The following HACE1 variants were observed in gnomAD, a reference collection of about 807,000 sequenced individuals.
The protein encoded by HACE1 is E3 ubiquitin-protein ligase HACE1.
HACE1 carries 73 observed loss-of-function variants against 118.4 expected under a neutral mutation model. That is an observed-to-expected ratio of 0.62 (90% CI 0.51 to 0.75). The LOEUF (loss-of-function observed/expected upper bound fraction) is 0.75, where lower values mean the gene tolerates loss of function less well. Among genes scored for constraint, HACE1 ranks in the 30% least tolerant of loss-of-function variants. The pLI, the probability that HACE1 is intolerant of heterozygous loss-of-function variation, is 0.00. For missense variants in HACE1, 749 were observed against 1,102.2 expected, an observed-to-expected ratio of 0.68 and a Z score of 4.54; for synonymous variants, 368 against 374.8, an observed-to-expected ratio of 0.98 and a Z score of 0.21.
chr6:104,858,517 T>C (rs564828682), intron 1 of HACE1: 7 of 391,062 alleles, frequency 1.8e-5, no homozygotes, highest in African/African-American at 4.3e-5. Context: ...CTGGGGAACA[T>C]AGTGAGACCT....
chr6:104,736,285 T>G (rs1775822246), intron 22 of HACE1, among the ~76,000 whole-genome samples: 2 of 151,706 alleles, frequency 1.3e-5, no homozygotes, highest in Non-Finnish European at 2.9e-5. Context: ...TTATTTTTTA[T>G]TATTATTATT....
chr6:104,790,803 A>T (rs1033961953), intron 11 of HACE1, among the ~76,000 whole-genome samples: 1 of 152,228 alleles, frequency 6.6e-6, no homozygotes, highest in South Asian at 2.1e-4. Context: ...ATTAAATTAC[A>T]CATTTTTCTA....
In HACE1 at chr6:104,730,393, A is replaced by G; in HGVS notation, c.2537T>C (p.Phe846Ser). The G allele has an allele frequency of 6.4e-7, 1 of 1,565,474 alleles. No individual in the cohort carries two copies. The highest frequency in any genetic ancestry group is 8.8e-7 in the Non-Finnish European group (1 of 1,135,474). The change falls in exon 23 of 24, where the codon TTT becomes TCT. Residue 846 changes from phenylalanine to serine, a missense_variant. By Grantham distance (155) the Phe-to-Ser change is radical (BLOSUM62 -2). Transcript: ENST00000262903. Reference protein sequence around the residue: ...TGSSRVPHGGFANIMGGSGLQ... With the variant: ...TGSSRVPHGGSANIMGGSGLQ... ...TCCACTTCCACCCATGATATTAGCA[A>G]ACCCACCATGTGGGACCCTGGAACT... is the stretch of plus-strand genomic sequence containing the variant.
chr6:104,744,254 A>G, intron 21 of HACE1, 24 bp from the exon 22 acceptor site: 1 of 1,450,960 alleles, frequency 6.9e-7, no homozygotes, highest in Non-Finnish European at 9.7e-7. Context: ...CAAAAAACTT[A>G]GCTCATATTT....
chr6:104,854,699 A>G (rs1776553257), intron 1 of HACE1, among the ~76,000 whole-genome samples: 1 of 152,140 alleles, frequency 6.6e-6, no homozygotes, highest in African/African-American at 2.4e-5. Context: ...ATAATACAAT[A>G]TTACTGTTAA....
intron 19 of HACE1, among the ~76,000 whole-genome samples, chr6:104,769,058 A>T (rs1431783605): frequency 2.6e-5 from 4 of 152,188 alleles, no homozygotes; most frequent in Admixed American, 1.3e-4. Flanking sequence ...TTTAAGTGAT[A>T]GGATCTTGCT....
intron 12 of HACE1, among the ~76,000 whole-genome samples, 187 bp from the exon 13 acceptor site, chr6:104,784,672 TCTC>T (rs939122500): frequency 1.3e-5 from 2 of 152,182 alleles, no homozygotes; most frequent in Admixed American, 6.5e-5. Context: ...GATTCTAACT[TCTC>T]ATCAGCAGAC....
At chr6:104,852,224 TGTGTGCGCGC>T (rs1220976148) in intron 2 of HACE1, 83 bp downstream of exon 2, 46 of 720,220 alleles carry the variant, frequency 6.4e-5, no homozygotes, top group Non-Finnish European at 1.1e-4. Flanking sequence ...TGTGTGTGTG[TGTGTGCGCGC>T]GTGCGCGTGC....
intron 5 of HACE1, among the ~76,000 whole-genome samples, chr6:104,841,344 T>A (rs1273087664): frequency 6.6e-6 from 1 of 152,190 alleles, no homozygotes; most frequent in African/African-American, 2.4e-5. Flanking sequence ...GAAAACATCT[T>A]ATGCAATTAA....
rs147498409 is a variant in HACE1, at chr6:104,856,494, G to C, written c.76+3073C>G. Among the ~76,000 whole-genome samples, 1,343 of 151,862 alleles carry C rather than the reference G, an allele frequency of 8.8e-3. 22 individuals are homozygous for C. Among genetic ancestry groups the C allele is most frequent in the African/African-American group, 0.031 (1,267 of 41,374 alleles). ...TTGATGTCCAGGCTGGAATGCAGTGGCGCGATCTTGGCTCACTGCAACCTC... is the reference window on the plus strand; with the variant it reads ...TTGATGTCCAGGCTGGAATGCAGTGCCGCGATCTTGGCTCACTGCAACCTC... On this transcript the variant is annotated intron_variant, in intron 1 of 23. Transcript: ENST00000262903.
chr6:104,779,281 C>T (rs1387119650), intron 14 of HACE1, among the ~76,000 whole-genome samples: 2 of 152,140 alleles, frequency 1.3e-5, no homozygotes, highest in Non-Finnish European at 2.9e-5. Flanking sequence ...AGGTTATCTT[C>T]CAGGTGGCTT....
At chr6:104,788,295 T>C (rs56120816) in intron 11 of HACE1, among the ~76,000 whole-genome samples, 3 of 152,106 alleles carry the variant, frequency 2.0e-5, no homozygotes, top group Admixed American at 2.0e-4. Context: ...GTGAAAATAC[T>C]GCTTCATTCA....
chr6:104,832,686 C>A (rs190667499), intron 6 of HACE1, among the ~76,000 whole-genome samples: 1 of 152,038 alleles, frequency 6.6e-6, no homozygotes, highest in Non-Finnish European at 1.5e-5. Context: ...CCACGGCTCC[C>A]AGCCCAAAAG....
intron 6 of HACE1, among the ~76,000 whole-genome samples, chr6:104,827,131 T>A (rs1239118404): frequency 6.6e-6 from 1 of 152,198 alleles, no homozygotes; most frequent in Non-Finnish European, 1.5e-5. Context: ...CAAGACCACC[T>A]GTGCCCAATA....
At chr6:104,769,505 C>T (rs1008059119) in intron 19 of HACE1, among the ~76,000 whole-genome samples, 1 of 152,066 alleles carries the variant, frequency 6.6e-6, no homozygotes, top group African/African-American at 2.4e-5. Flanking sequence ...AATAAACATG[C>T]TACAAGGTGA....
At chr6:104,756,167 C>CT (rs1778610999) in intron 19 of HACE1, among the ~76,000 whole-genome samples, 1 of 151,984 alleles carries the variant, frequency 6.6e-6, no homozygotes, top group African/African-American at 2.4e-5. Context: ...AATCCCAGCA[C>CT]TTTGAGAGGC....
At chr6:104,819,477 T>C (rs1248802842) in intron 6 of HACE1, among the ~76,000 whole-genome samples, 1 of 152,172 alleles carries the variant, frequency 6.6e-6, no homozygotes, top group African/African-American at 2.4e-5. Flanking sequence ...GCAATTTATA[T>C]AGATTCAATG....
At chr6:104,834,987 C>T (rs1774383776) in intron 5 of HACE1, among the ~76,000 whole-genome samples, 1 of 152,206 alleles carries the variant, frequency 6.6e-6, no homozygotes, top group Non-Finnish European at 1.5e-5. Context: ...AAGAATACCA[C>T]ACTAAAAAGG....
At chr6:104,763,494 C>CA (rs1178706659) in intron 19 of HACE1, among the ~76,000 whole-genome samples, 3 of 151,976 alleles carry the variant, frequency 2.0e-5, no homozygotes, top group Non-Finnish European at 4.4e-5. Flanking sequence ...CGTGTAGACA[C>CA]AATCTGTGGT....
Sources: gnomAD v4.1 joint callset for allele counts (sites outside exome capture counted in the v4.1 genomes callset) on GRCh38, gnomAD v4.1.1 for gene constraint, MANE v1.5 for transcripts, NCBI Gene and HGNC (gene_info 2026-07-23, HGNC 2026-07-21) for gene names.